The following ELP1 variants were observed in gnomAD, a reference collection of about 807,000 sequenced individuals.
ELP1 encodes elongator complex protein 1.
Under a neutral mutation model 183.2 loss-of-function variants are expected in ELP1, and 131 were observed. That is an observed-to-expected ratio of 0.72 (90% CI 0.62 to 0.83). ELP1 has a LOEUF of 0.83. ELP1 is among the 40% of genes least tolerant of loss of function. The probability of loss-of-function intolerance (pLI) is 0.00; values close to 1 mark genes in which losing one functional copy is unlikely to be tolerated. For synonymous variants in ELP1, 555 were observed against 569.0 expected, an observed-to-expected ratio of 0.98 and a Z score of 0.35; for missense variants, 1,550 against 1,594.9, an observed-to-expected ratio of 0.97 and a Z score of 0.48.
At chr9:108,893,208 T>A in intron 26 of ELP1, 125 bp from the exon 27 acceptor site, 3 of 717,616 alleles carry the variant, frequency 4.2e-6, no homozygotes, top group Non-Finnish European at 7.4e-6. Context: ...AATCAGAGAA[T>A]CTGAAGAATG....
rs150187332 is a variant in ELP1 at position 108,885,094 on chromosome 9, A to G, written c.3223-2907T>C. 1.2e-3 allele frequency among the ~76,000 whole-genome samples: 185 copies of G among 152,074 alleles called. 1 individual carries two copies. The highest frequency in any genetic ancestry group is 2.2e-3 in the Admixed American group (33 of 15,252). ...ACCCTGTTTCTTTAAAAAAACAACA[A>G]CAACAAAAGAAAAAAATAAGAAAAA... On this transcript the variant is annotated intron_variant, in intron 29 of 36. Transcript: ENST00000374647.
In ELP1 at chr9:108,929,777, T is replaced by C; in HGVS notation, c.295A>G (p.Thr99Ala). 1 of 1,614,072 alleles carries C rather than the reference T, an allele frequency of 6.2e-7. No homozygotes were observed. Among genetic ancestry groups the C allele is most frequent in the African/African-American group, 1.3e-5 (1 of 75,050 alleles). The change falls in exon 3 of 37, where the codon ACA becomes GCA. Residue 99 changes from threonine (T) to alanine (A), a missense_variant. Thr to Ala is a moderately conservative substitution (Grantham distance 58, BLOSUM62 0). Transcript: ENST00000374647. ...SGDVILCSLS[T>A]QQLECVGSVA... ...TGGAGTCTTCCACTTACCTGTTGTG[T>C]GCTGAGACTGCAGAGTATGACGTCT... is the stretch of plus-strand genomic sequence containing the variant.
At position 108,870,175 on chromosome 9, in the gene ELP1, C is replaced by A. The variant is rs1827395073; in HGVS notation, c.3932-993G>T. Among the ~76,000 whole-genome samples, 3 of 152,054 alleles carry A rather than the reference C, an allele frequency of 2.0e-5. No homozygotes were observed. In the South Asian group the frequency reaches 6.2e-4, roughly 32 times the overall value. On this transcript the variant is annotated intron_variant, in intron 36 of 36. Transcript: ENST00000374647. Reference sequence around the variant, plus strand: ...AGAGACAAGGTTTCACCATGCTGCCCAGGCTACTCTCAAAACTCCTGGTCT... The same window carrying A: ...AGAGACAAGGTTTCACCATGCTGCCAAGGCTACTCTCAAAACTCCTGGTCT...
At chr9:108,874,795 T>C (rs145650188) in intron 36 of ELP1, 100 bp downstream of exon 36, 8 of 838,230 alleles carry the variant, frequency 9.5e-6, no homozygotes, top group African/African-American at 8.4e-5. Flanking sequence ...TAGTGAAAAA[T>C]TGTATCCAAT....
At chr9:108,931,686 T>A (rs1056957535) in intron 1 of ELP1, among the ~76,000 whole-genome samples, 12 of 152,220 alleles carry the variant, frequency 7.9e-5, no homozygotes, top group Non-Finnish European at 1.8e-4. Flanking sequence ...ATTTATAAAC[T>A]GGTTTTATAC....
chr9:108,927,484 C>T, intron 3 of ELP1, 31 bp from the exon 4 acceptor site: 2 of 1,528,324 alleles, frequency 1.3e-6, no homozygotes, highest in Non-Finnish European at 1.8e-6. Flanking sequence ...AAGAGAGATT[C>T]AAACACTAGC....
intron 1 of ELP1, 136 bp from the exon 2 acceptor site, chr9:108,931,337 C>A: frequency 1.7e-6 from 1 of 599,712 alleles, no homozygotes; most frequent in Non-Finnish European, 2.9e-6. Flanking sequence ...GAGTACACAC[C>A]CATGTATGGA....
intron 12 of ELP1, among the ~76,000 whole-genome samples, chr9:108,909,934 C>A (rs1048256976): frequency 6.6e-6 from 1 of 151,994 alleles, no homozygotes; most frequent in South Asian, 2.1e-4. Flanking sequence ...TGTGAATATA[C>A]ATATATATAC....
At chr9:108,884,190 G>A (rs1828036821) in intron 29 of ELP1, among the ~76,000 whole-genome samples, 1 of 152,166 alleles carries the variant, frequency 6.6e-6, no homozygotes, top group Non-Finnish European at 1.5e-5. Context: ...AACAGAGAAA[G>A]AAGGATATCA....
chr9:108,903,376 G>T (rs1003397962), intron 15 of ELP1, among the ~76,000 whole-genome samples, 187 bp downstream of exon 15: 1 of 152,074 alleles, frequency 6.6e-6, no homozygotes, highest in African/African-American at 2.4e-5. Flanking sequence ...TTAAGAGTAC[G>T]TTAGTTCATT....
At chr9:108,898,475 T>C (rs1828639140) in intron 22 of ELP1, 27 bp downstream of exon 22, 2 of 1,319,250 alleles carry the variant, frequency 1.5e-6, no homozygotes, top group Admixed American at 1.8e-5. Context: ...ATGGAAAAGA[T>C]ACACATGAAT....
At position 108,899,812 on chromosome 9, in the gene ELP1, T is replaced by A. The variant is rs960701293; in HGVS notation, c.2204+10A>T. 6.2e-7 allele frequency: 1 copy of A among 1,609,476 alleles called. No individual in the cohort carries two copies. Among genetic ancestry groups the A allele is most frequent in the South Asian group, 1.1e-5 (1 of 90,974 alleles). ...AGCTAACTAGTCGCAAACAGTACAA[T>A]GGCACTTACTTGTCCAACCACTTCC... is the stretch of plus-strand genomic sequence containing the variant. On this transcript the variant is annotated intron_variant, in intron 20 of 36. Transcript: ENST00000374647.
At position 108,917,403 on chromosome 9, in the gene ELP1, G is replaced by T. The variant is rs550407720; in HGVS notation, c.864+144C>A. The T allele has an allele frequency of 5.5e-4, 409 of 737,738 alleles. 2 individuals are homozygous for T. The highest frequency in any genetic ancestry group is 1.3e-4 in the Non-Finnish European group (56 of 445,596). The allele number at this position is 737,738 out of a possible 1,614,324, so 45.7% of individuals were successfully genotyped here. On this transcript the variant is annotated intron_variant, in intron 9 of 36. Transcript: ENST00000374647. The stretch of plus-strand genomic sequence containing the variant: ...AATCACTTGAACCTAGGAGGCGGAG[G>T]TTGCAGTGAACCGAGATTGCACTAT...
At chr9:108,869,567 G>A (rs755448579) in intron 36 of ELP1, among the ~76,000 whole-genome samples, 1 of 152,146 alleles carries the variant, frequency 6.6e-6, no homozygotes, top group African/African-American at 2.4e-5. Flanking sequence ...AATTTTTAAG[G>A]AATAGCAAAA....
Position 108,902,749 on chromosome 9 carries a change from T to G in ELP1, c.1854+90A>C, listed in dbSNP as rs149424444. On this transcript the variant is annotated intron_variant, in intron 16 of 36. Transcript: ENST00000374647. ...TCTAGGCATTTAGTGGAGACCCAAG[T>G]CCACCTCCAAAGCCCACGCTCTTTC... 6.7e-4 allele frequency: 617 copies of G among 920,270 alleles called. 4 individuals carry two copies. The African/African-American group carries it at 8.5e-3, about 13-fold the overall frequency. 57.0% of individuals were successfully genotyped at this position (920,270 alleles called of 1,614,324 possible). A position where few individuals can be genotyped will look rare whatever the true frequency, so the allele number is the denominator to read the frequency against.
chr9:108,879,856 A>T (rs1021213027), intron 32 of ELP1, among the ~76,000 whole-genome samples, 196 bp downstream of exon 32: 1 of 152,190 alleles, frequency 6.6e-6, no homozygotes, highest in African/African-American at 2.4e-5. Flanking sequence ...AGCTCTCCCC[A>T]TTCATGCTTG....
At chr9:108,882,029 G>C in intron 30 of ELP1, 96 bp downstream of exon 30, 2 of 1,009,176 alleles carry the variant, frequency 2.0e-6, no homozygotes, top group Non-Finnish European at 1.6e-6. Flanking sequence ...CTTATTTCAT[G>C]AACCTCAGAA....
intron 25 of ELP1, among the ~76,000 whole-genome samples, chr9:108,894,679 T>C: frequency 6.6e-6 from 1 of 152,244 alleles, no homozygotes; most frequent in East Asian, 1.9e-4. Flanking sequence ...CAAATGCATC[T>C]AAGTTTCTCC....
chr9:108,886,115 G>C (rs1191152900), intron 29 of ELP1, among the ~76,000 whole-genome samples: 1 of 152,218 alleles, frequency 6.6e-6, no homozygotes, highest in Non-Finnish European at 1.5e-5. Flanking sequence ...ACTCCCTTTA[G>C]AAACTGTAAT....
Sources: allele counts gnomAD v4.1 joint callset (sites outside exome capture counted in the v4.1 genomes callset), GRCh38; gene constraint gnomAD v4.1.1; transcripts MANE v1.5; gene names NCBI Gene and HGNC (gene_info 2026-07-23, HGNC 2026-07-21).